The following BECN1 variants were observed in gnomAD, a reference collection of about 807,000 sequenced individuals.
The protein encoded by BECN1 is beclin 1.
In BECN1, 15 loss-of-function variants were observed where a neutral mutation model predicts 60.1. The observed-to-expected ratio is 0.25, with a 90% CI of 0.17 to 0.38. BECN1 has a LOEUF of 0.38. BECN1 is among the 10% of genes least tolerant of loss of function. The pLI is 1.00. For synonymous variants in BECN1, 179 were observed against 201.8 expected (o/e 0.89, Z 0.96); for missense variants, 424 against 548.2 (o/e 0.77, Z 2.26).
chr17:42,819,030 C>G (rs777185221), intron 4 of BECN1, 153 bp from the exon 5 acceptor site: 4 of 767,774 alleles, frequency 5.2e-6, no homozygotes, highest in Non-Finnish European at 8.2e-6. Context: ...AAGGGTACCT[C>G]TCTCCCAAAG....
At chr17:42,812,708 G>A (rs1462364596) in intron 10 of BECN1, 1 of 150,934 alleles carries the variant, frequency 6.6e-6, no homozygotes, top group East Asian at 1.9e-4. Flanking sequence ...GTGACAGAGT[G>A]AGACTCCGTC....
At chr17:42,822,579 A>G (rs974426816) in intron 2 of BECN1, among the ~76,000 whole-genome samples, 2 of 151,950 alleles carry the variant, frequency 1.3e-5, no homozygotes, top group East Asian at 3.9e-4. Context: ...TATTTTTTTT[A>G]ATTATAGAGA....
intron 7 of BECN1, among the ~76,000 whole-genome samples, chr17:42,817,730 T>C (rs1373696485): frequency 6.6e-6 from 1 of 152,108 alleles, no homozygotes; most frequent in Non-Finnish European, 1.5e-5. Context: ...TTCATTTTTG[T>C]AGAGATGGGG....
chr17:42,818,176 C>A (rs1252756224), intron 7 of BECN1, 45 bp downstream of exon 7: 1 of 1,591,054 alleles, frequency 6.3e-7, no homozygotes, highest in Non-Finnish European at 8.6e-7. Flanking sequence ...CATTTCCTCT[C>A]CTGGAGCCTC....
In BECN1 at chr17:42,823,819, CGCTGGCACACGAAGCTCACCTGCATGGT is replaced by C; in HGVS notation, c.31_58del (p.Thr11AlafsTer6). The C allele has an allele frequency of 1.9e-6, 3 of 1,614,094 alleles. No homozygotes were observed. Among genetic ancestry groups the C allele is most frequent in the Non-Finnish European group, 2.5e-6 (3 of 1,180,000 alleles). On this transcript the variant is annotated frameshift_variant, in exon 2 of 12. Coordinates refer to ENST00000590099, the MANE Select transcript of BECN1 (RefSeq NM_001313998.2). LOFTEE classifies it high-confidence loss of function. ...GTCCAGTTTCAGGGGCTGGCTGCAG[CGCTGGCACACGAAGCTCACCTGCATGGT>C]GCTGTTGTTGGACGTCTTAGACCCT...
chr17:42,821,757 T>G (rs1218676656), intron 2 of BECN1, among the ~76,000 whole-genome samples: 1 of 152,162 alleles, frequency 6.6e-6, no homozygotes, highest in Non-Finnish European at 1.5e-5. Flanking sequence ...ACATAATAAT[T>G]GAGCAGAGGA....
chr17:42,811,064 T>C, intron 11 of BECN1, 136 bp from the exon 12 acceptor site: 1 of 977,396 alleles, frequency 1.0e-6, no homozygotes, highest in Non-Finnish European at 1.4e-6. Flanking sequence ...TAGTGTATTT[T>C]GGATTTGCTT....
chr17:42,815,976 C>T lies in BECN1; in HGVS notation c.762G>A (p.Met254Ile). 1.2e-6 allele frequency: 2 copies of T among 1,613,924 alleles called. No homozygotes were observed. Among genetic ancestry groups the T allele is most frequent in the Non-Finnish European group, 1.7e-6 (2 of 1,179,892 alleles). The stretch of plus-strand genomic sequence containing the variant: ...TATCCAGCTGCGTCTGGGCATAACG[C>T]ATCTGGTTTTCAACACTCTTCAGCT... Reference protein sequence around the residue: ...DDELKSVENQMRYAQTQLDKL... With the variant: ...DDELKSVENQIRYAQTQLDKL... Residue 254 changes from methionine to isoleucine, a missense_variant, in exon 8 of 12, where the codon ATG becomes ATA. This residue lies in a region of BECN1 where 326 missense variants were observed against 406.2 expected (regional missense o/e 0.80). Coordinates refer to ENST00000590099, the MANE Select transcript of BECN1 (RefSeq NM_001313998.2).
At position 42,823,774 on chromosome 17, in the gene BECN1, T is replaced by G; in HGVS notation, c.104A>C (p.Asp35Ala). Reference protein sequence around the residue: ...LKLDTSFKILDRVTIQELTAP... With the variant: ...LKLDTSFKILARVTIQELTAP... ...TGTGAGTTCCTGGATGGTGACACGG[T>G]CCAGGATCTTGAAACTCGTGTCCAG... Residue 35 changes from aspartate (D) to alanine (A), a missense_variant, in exon 2 of 12, where the codon GAC becomes GCC. Asp to Ala is a moderately radical substitution (Grantham distance 126). Coordinates refer to ENST00000590099, the MANE Select transcript of BECN1 (RefSeq NM_001313998.2). 6.2e-7 allele frequency: 1 copy of G among 1,614,116 alleles called. No individual in the cohort carries two copies. The highest frequency in any genetic ancestry group is 8.5e-7 in the Non-Finnish European group (1 of 1,179,992).
At position 42,810,667 on chromosome 17, in the gene BECN1, C is replaced by T; in HGVS notation, c.*93G>A. 7.5e-7 allele frequency: 1 copy of T among 1,327,794 alleles called. No homozygotes were observed. The highest frequency in any genetic ancestry group is 1.5e-5 in the African/African-American group (1 of 67,134). The allele number at this position is 1,327,794 out of a possible 1,614,324, so 82.3% of individuals were successfully genotyped here. On this transcript the variant is annotated 3_prime_UTR_variant, in exon 12 of 12. Coordinates refer to ENST00000590099, the MANE Select transcript of BECN1 (RefSeq NM_001313998.2). ...TCTTTTTTGGTATTGTAAACATGTACTGTTTAATATTACCCGAATTTAATT... is the reference window on the plus strand; with the variant it reads ...TCTTTTTTGGTATTGTAAACATGTATTGTTTAATATTACCCGAATTTAATT...
At chr17:42,811,461 A>T in intron 11 of BECN1, 194 bp downstream of exon 11, 1 of 561,304 alleles carries the variant, frequency 1.8e-6, no homozygotes, top group Non-Finnish European at 2.9e-6. Flanking sequence ...ACATTCTTCT[A>T]CTCCAAGGAC....
intron 11 of BECN1, chr17:42,811,149 A>G (rs1019630577): frequency 2.1e-5 from 9 of 426,034 alleles, no homozygotes; most frequent in Non-Finnish European, 3.7e-5. Context: ...ACACACACCC[A>G]AAGAGAAGAG....
rs777929031 is a variant in BECN1, at chr17:42,818,900, G to C, written c.261-23C>G. The C allele has an allele frequency of 5.6e-6, 9 of 1,612,904 alleles. No homozygotes were observed. In the South Asian group the frequency reaches 7.7e-5, roughly 14 times the overall value. On this transcript the variant is annotated intron_variant, in intron 4 of 11. Transcript: ENST00000590099. ...ATCCTGCAGACAGCCCCCCGCCCAC[G>C]GGCCACATGAGGGAACAGAGAGGCT...
chr17:42,818,446 T>G (rs1309104942), intron 6 of BECN1, 31 bp from the exon 7 acceptor site: 1 of 1,612,826 alleles, frequency 6.2e-7, no homozygotes, highest in African/African-American at 1.3e-5. Flanking sequence ...CTATACTTAC[T>G]AGAGCTCCAT....
Position 42,810,469 on chromosome 17 carries a change from TA to T in BECN1, c.*290del. Reference sequence around the variant, plus strand: ...CACATCAATCTCAATTCAACTCAGTTAAAAAAAAGAAAAGCAAATTTAAATT... The same window carrying T: ...CACATCAATCTCAATTCAACTCAGTTAAAAAAAGAAAAGCAAATTTAAATT... On this transcript the variant is annotated 3_prime_UTR_variant, in exon 12 of 12. Coordinates refer to ENST00000590099, the MANE Select transcript of BECN1 (RefSeq NM_001313998.2). The T allele has an allele frequency of 9.1e-5, 19 of 207,676 alleles. No individual in the cohort carries two copies. Among genetic ancestry groups the T allele is most frequent in the Non-Finnish European group, 1.1e-4 (12 of 104,892 alleles). The allele number at this position is 207,676 out of a possible 1,614,324, so 12.9% of individuals were successfully genotyped here. A position where few individuals can be genotyped will look rare whatever the true frequency, so the allele number is the denominator to read the frequency against.
At position 42,814,572 on chromosome 17, in the gene BECN1, A is replaced by T; in HGVS notation, c.932T>A (p.Val311Glu). The T allele has an allele frequency of 6.2e-7, 1 of 1,614,224 alleles. No individual in the cohort carries two copies. Among genetic ancestry groups the T allele is most frequent in the Non-Finnish European group, 8.5e-7 (1 of 1,180,044 alleles). Residue 311 changes from valine to glutamate, a missense_variant, in exon 9 of 12, where the codon GTG (valine) becomes GAG (glutamate). Coordinates refer to ENST00000590099, the MANE Select transcript of BECN1 (RefSeq NM_001313998.2). ...ATTGGCCAGAGCATGGAGCAGCAACACAGTCTGGCCCCAAGCAGCATTAAT... is the reference window on the plus strand; with the variant it reads ...ATTGGCCAGAGCATGGAGCAGCAACTCAGTCTGGCCCCAAGCAGCATTAAT... ...NEINAAWGQTVLLLHALANKM... is the reference protein window; with the variant it reads ...NEINAAWGQTELLLHALANKM...
chr17:42,819,647 CT>C, intron 3 of BECN1, 38 bp from the exon 4 acceptor site: 1 of 1,600,208 alleles, frequency 6.2e-7, no homozygotes, highest in Non-Finnish European at 8.5e-7. Context: ...ACTCTGGCAG[CT>C]TAGAGGTAGA....
rs202242702 is a variant in BECN1 at position 42,810,944 on chromosome 17, G to A, written c.1185-16C>T. On this transcript the variant is annotated splice_polypyrimidine_tract_variant and intron_variant, in intron 11 of 11. Coordinates refer to ENST00000590099, the MANE Select transcript of BECN1 (RefSeq NM_001313998.2). The stretch of plus-strand genomic sequence containing the variant: ...CACATCCATCCTGCAGATGGACAGA[G>A]CAAAACTCATTAGTAACTGAGATCT... 45 of 1,569,060 alleles carry A rather than the reference G, an allele frequency of 2.9e-5. No homozygotes were observed. Among genetic ancestry groups the A allele is most frequent in the African/African-American group, 6.8e-5 (5 of 73,186 alleles).
intron 2 of BECN1, among the ~76,000 whole-genome samples, chr17:42,823,217 A>G (rs1359544868): frequency 6.6e-6 from 1 of 152,224 alleles, no homozygotes; most frequent in Non-Finnish European, 1.5e-5. Flanking sequence ...TTTCTCTGAA[A>G]CAGCAGGAGC....
Sources: allele counts gnomAD v4.1 joint callset (sites outside exome capture counted in the v4.1 genomes callset), GRCh38; gene constraint gnomAD v4.1.1; regional missense constraint gnomAD v4.1.1; transcripts MANE v1.5; gene names NCBI Gene and HGNC (gene_info 2026-07-23, HGNC 2026-07-21).